ACTN2: variants seen among roughly 807,000 people sequenced by gnomAD.
ACTN2 encodes actinin alpha 2.
ACTN2 carries 39 observed loss-of-function variants against 113.8 expected under a neutral mutation model. That is an observed-to-expected ratio of 0.34 (90% confidence interval 0.27 to 0.45). The LOEUF is 0.45. ACTN2 is among the 20% of genes least tolerant of loss of function. ACTN2 has a pLI of 1.00. For synonymous variants in ACTN2, 429 were observed against 444.1 expected (o/e 0.97, Z 0.43); for missense variants, 992 against 1,177.9 (o/e 0.84, Z 2.31).
At chr1:236,693,844 G>A (rs1657379005) in intron 1 of ACTN2, among the ~76,000 whole-genome samples, 1 of 152,208 alleles carries the variant, frequency 6.6e-6, no homozygotes, top group Non-Finnish European at 1.5e-5. Context: ...AAGTGTCTCT[G>A]TGGTTCTTGG....
At chr1:236,743,966 A>G (rs1294256965) in intron 11 of ACTN2, among the ~76,000 whole-genome samples, 1 of 152,244 alleles carries the variant, frequency 6.6e-6, no homozygotes, top group Admixed American at 6.5e-5. Flanking sequence ...GTACATCGTC[A>G]TCATTAAATA....
At chr1:236,729,255 C>T (rs1245640934) in intron 6 of ACTN2, among the ~76,000 whole-genome samples, 6 of 151,514 alleles carry the variant, frequency 4.0e-5, no homozygotes, top group African/African-American at 7.3e-5. Flanking sequence ...ACCCAGGAGG[C>T]GGAGGTTGCA....
chr1:236,712,862 T>G (rs1450494092), intron 1 of ACTN2, among the ~76,000 whole-genome samples: 2 of 151,760 alleles, frequency 1.3e-5, no homozygotes, highest in African/African-American at 4.8e-5. Context: ...TTAAGTAGAA[T>G]TTAAATTTTA....
intron 1 of ACTN2, among the ~76,000 whole-genome samples, chr1:236,709,349 T>C (rs1405995363): frequency 7.3e-6 from 1 of 137,332 alleles, no homozygotes; most frequent in Non-Finnish European, 1.5e-5. Flanking sequence ...TACGTGTATA[T>C]ATATATATAC....
At chr1:236,734,270 C>T (rs1558238595) in intron 7 of ACTN2, among the ~76,000 whole-genome samples, 1 of 152,146 alleles carries the variant, frequency 6.6e-6, no homozygotes, top group Non-Finnish European at 1.5e-5. Context: ...AGAGTAATCC[C>T]TTTGCAGGTG....
rs769126818 is a variant in ACTN2 at position 236,744,739 on chromosome 1, C to T, written c.1369C>T (p.Arg457Cys). 14 of 1,614,160 alleles carry T rather than the reference C, an allele frequency of 8.7e-6. No individual in the cohort carries two copies. The highest frequency in any genetic ancestry group is 4.4e-5 in the South Asian group (4 of 91,084). Residue 457 changes from arginine (R) to cysteine (C), a missense_variant, in exon 12 of 21, where the codon CGC becomes TGC. Transcript: ENST00000366578. ...GAGCGACCTGGCAGCGCACCAGGAC[C>T]GCGTGGAGCAGATCGCAGCCATCGC... Reference protein sequence around the residue: ...FESDLAAHQDRVEQIAAIAQE... With the variant: ...FESDLAAHQDCVEQIAAIAQE...
chr1:236,755,092 A>G lies in ACTN2; in HGVS notation c.2048A>G (p.His683Arg). Reference sequence around the variant, plus strand: ...ATGAACCAGCTGAAGCAGTATGAGCACAACATCATCAACTATAAGAACAAC... The same window carrying G: ...ATGAACCAGCTGAAGCAGTATGAGCGCAACATCATCAACTATAAGAACAAC... ...DQMNQLKQYE[H>R]NIINYKNNID... The change falls in exon 17 of 21, where the codon CAC (histidine) becomes CGC (arginine). Residue 683 changes from histidine to arginine, a missense_variant. Around this residue, in one of 3 missense-constraint regions of ACTN2, gnomAD observed 736 missense variants for 815.4 expected, o/e 0.90. Transcript: ENST00000366578. 1 of 1,614,234 alleles carries G rather than the reference A, an allele frequency of 6.2e-7. No individual in the cohort carries two copies. Among genetic ancestry groups the G allele is most frequent in the Non-Finnish European group, 8.5e-7 (1 of 1,180,046 alleles).
intron 1 of ACTN2, among the ~76,000 whole-genome samples, chr1:236,697,045 C>T (rs1657527843): frequency 6.6e-6 from 1 of 152,192 alleles, no homozygotes; most frequent in African/African-American, 2.4e-5. Context: ...CATTTCTAGC[C>T]TTATCTCTAA....
intron 4 of ACTN2, among the ~76,000 whole-genome samples, chr1:236,723,860 G>A (rs1417585861): frequency 6.6e-6 from 1 of 152,080 alleles, no homozygotes; most frequent in African/African-American, 2.4e-5. Flanking sequence ...GTTAGGAATC[G>A]ACATGCTTTA....
At chr1:236,721,015 GTTTTTT>G (rs796434657) in intron 4 of ACTN2, among the ~76,000 whole-genome samples, 8,629 of 49,102 alleles carry the variant, frequency 0.18, 2,270 homozygotes, top group East Asian at 0.29. Flanking sequence ...TCTGGTTTTT[GTTTTTT>G]GTTTTTTTTT....
chr1:236,726,078 G>T, intron 5 of ACTN2, 58 bp downstream of exon 5: 1 of 1,480,284 alleles, frequency 6.8e-7, no homozygotes, highest in Non-Finnish European at 9.5e-7. Context: ...GGTAGCATGG[G>T]GAACAGTGTT....
Position 236,744,615 on chromosome 1 carries a change from C to T in ACTN2, c.1256-11C>T, listed in dbSNP as rs1659169628. ...CAGCATATTCATACTTTCTTGCTACCACCTTTGCAGGCAAAGAGCAGATCT... is the reference window on the plus strand; with the variant it reads ...CAGCATATTCATACTTTCTTGCTACTACCTTTGCAGGCAAAGAGCAGATCT... On this transcript the variant is annotated splice_polypyrimidine_tract_variant and intron_variant, in intron 11 of 20. Transcript: ENST00000366578. 1.2e-6 allele frequency: 2 copies of T among 1,614,002 alleles called. No individual in the cohort carries two copies. Among genetic ancestry groups the T allele is most frequent in the East Asian group, 4.5e-5 (2 of 44,874 alleles).
At chr1:236,759,928 A>T in intron 19 of ACTN2, 139 bp downstream of exon 19, 2 of 771,988 alleles carry the variant, frequency 2.6e-6, no homozygotes. Context: ...TATTTTTTGA[A>T]GGTCTCACTG....
At chr1:236,742,735 A>T (rs940525172) in intron 10 of ACTN2, among the ~76,000 whole-genome samples, 161 bp from the exon 11 acceptor site, 2 of 152,240 alleles carry the variant, frequency 1.3e-5, no homozygotes, top group African/African-American at 4.8e-5. Flanking sequence ...GAAGCCAAAT[A>T]ATTGAATGGT....
intron 1 of ACTN2, among the ~76,000 whole-genome samples, chr1:236,709,779 C>T (rs558606601): frequency 1.3e-5 from 2 of 152,294 alleles, no homozygotes; most frequent in Admixed American, 1.3e-4. Context: ...GAGTTTTCTG[C>T]TGTGCCTGGG....
At chr1:236,736,953 T>A in intron 8 of ACTN2, 169 bp from the exon 9 acceptor site, 1 of 648,940 alleles carries the variant, frequency 1.5e-6, no homozygotes, top group Non-Finnish European at 2.8e-6. Flanking sequence ...GTGAAATGAT[T>A]CATAGTACGC....
At chr1:236,748,102 A>G (rs892653990) in intron 13 of ACTN2, 29 of 335,040 alleles carry the variant, frequency 8.7e-5, no homozygotes, top group Middle Eastern at 1.0e-3. Flanking sequence ...GCTGTGAGTG[A>G]GTCGGGAAAT....
intron 13 of ACTN2, chr1:236,748,006 AG>A (rs1209429954): frequency 1.4e-5 from 7 of 492,348 alleles, no homozygotes; most frequent in African/African-American, 1.2e-4. Context: ...TAAAAAATCC[AG>A]GGGTGATGAG....
At position 236,750,888 on chromosome 1, in the gene ACTN2, A is replaced by C. The variant is rs186246745; in HGVS notation, c.1657-582A>C. ...AGGATCACTTGAGGCCAGGAGTTTGAGACCAACCTGGGCAACATAATGAGA... is the reference window on the plus strand; with the variant it reads ...AGGATCACTTGAGGCCAGGAGTTTGCGACCAACCTGGGCAACATAATGAGA... On this transcript the variant is annotated intron_variant, in intron 14 of 20. Transcript: ENST00000366578. Among the ~76,000 whole-genome samples, 11 of 152,056 alleles carry C rather than the reference A, an allele frequency of 7.2e-5. 1 individual carries two copies. Among genetic ancestry groups the C allele is most frequent in the Admixed American group, 7.2e-4 (11 of 15,276 alleles).
Sources: allele counts gnomAD v4.1 joint callset (sites outside exome capture counted in the v4.1 genomes callset), GRCh38; gene constraint gnomAD v4.1.1; regional missense constraint gnomAD v4.1.1; transcripts MANE v1.5; gene names NCBI Gene and HGNC (gene_info 2026-07-23, HGNC 2026-07-21).